CRISP2: variants seen among roughly 807,000 people sequenced by gnomAD.
CRISP2 encodes the protein cysteine rich secretory protein 2, also known as cysteine-rich secretory protein 2.
CRISP2 carries 29 observed loss-of-function variants against 31.7 expected under a neutral mutation model. That is an observed-to-expected ratio of 0.92 (90% CI 0.68 to 1.25). CRISP2 has a LOEUF of 1.25. Among genes scored for constraint, CRISP2 ranks in the 50% most tolerant of loss-of-function variants. The pLI, the probability that CRISP2 is intolerant of heterozygous loss-of-function variation, is 0.00. For missense variants in CRISP2, 318 were observed against 286.5 expected, an observed-to-expected ratio of 1.11 and a Z score of -0.79; for synonymous variants, 111 against 101.4, an observed-to-expected ratio of 1.09 and a Z score of -0.57.
Position 49,698,393 on chromosome 6 carries a change from C to A in CRISP2, c.386G>T (p.Ser129Ile), listed in dbSNP as rs1765131422. 1 of 1,613,302 alleles carries A rather than the reference C, an allele frequency of 6.2e-7. No individual in the cohort carries two copies. The highest frequency in any genetic ancestry group is 1.1e-5 in the South Asian group (1 of 90,946). The change falls in exon 7 of 10, where the codon AGT becomes ATT. Residue 129 changes from serine (S) to isoleucine (I), a missense_variant. Physicochemically the swap from Ser to Ile is moderately radical, Grantham distance 142 (BLOSUM62 -2). Transcript: ENST00000339139. Reference sequence around the variant, plus strand: ...ATAATGTCCAACAACTGCATTGGGACTCTTTGGTCCTACACCATAGACAAA... The same window carrying A: ...ATAATGTCCAACAACTGCATTGGGAATCTTTGGTCCTACACCATAGACAAA... Reference protein sequence around the residue: ...LDFVYGVGPKSPNAVVGHYTQ... With the variant: ...LDFVYGVGPKIPNAVVGHYTQ...
At chr6:49,706,011 T>C (rs1297866873) in intron 4 of CRISP2, among the ~76,000 whole-genome samples, 2 of 152,342 alleles carry the variant, frequency 1.3e-5, no homozygotes, top group Admixed American at 1.3e-4. Context: ...CCACATATTG[T>C]TCTGTTTATC....
intron 4 of CRISP2, among the ~76,000 whole-genome samples, chr6:49,702,577 C>T (rs73437872): frequency 0.033 from 5,074 of 151,966 alleles, 301 homozygotes; most frequent in African/African-American, 0.12. Flanking sequence ...AGCAGCTTTT[C>T]GTATGTTGGT....
chr6:49,702,470 A>G (rs1374130168), intron 4 of CRISP2, among the ~76,000 whole-genome samples: 1 of 151,692 alleles, frequency 6.6e-6, no homozygotes, highest in African/African-American at 2.4e-5. Flanking sequence ...ACCGGTATCT[A>G]TTATTTTTTT....
At chr6:49,705,729 T>C (rs1310953789) in intron 4 of CRISP2, among the ~76,000 whole-genome samples, 6 of 152,202 alleles carry the variant, frequency 3.9e-5, no homozygotes, top group Admixed American at 2.0e-4. Flanking sequence ...CTGCTTCTTC[T>C]TCTTTTTTAT....
At chr6:49,685,384 A>G in the CRISP2 span, among the ~76,000 whole-genome samples, 1 of 152,162 alleles carries the variant, frequency 6.6e-6, no homozygotes, top group Non-Finnish European at 1.5e-5. Flanking sequence ...TTATCAACTG[A>G]TGAAGGCAGG....
chr6:49,700,674 T>C lies in CRISP2; in HGVS notation c.177A>G (p.Leu59=), dbSNP rs1354765482. 3 of 1,598,632 alleles carry C rather than the reference T, an allele frequency of 1.9e-6. No homozygotes were observed. The highest frequency in any genetic ancestry group is 3.3e-5 in the Admixed American group (2 of 59,862). Reference sequence around the variant, plus strand: ...TTACAGCACTGCCTCTTACCATCTTTAGCATGTTACTGGCAGGTGGAGAGA... The same window carrying C: ...TTACAGCACTGCCTCTTACCATCTTCAGCATGTTACTGGCAGGTGGAGAGA... ...KAVSPPASNM[L]KMEWSREVTT... is the part of the protein sequence containing the mutation. Residue 59 remains leucine (L), a synonymous_variant, in exon 5 of 10, where the codon CTA becomes CTG. Coordinates refer to ENST00000339139, the MANE Select transcript of CRISP2 (RefSeq NM_003296.4).
In CRISP2 at chr6:49,692,546, C is replaced by T. The variant is rs1298879565; in HGVS notation, c.*227G>A. 21 of 386,204 alleles carry T rather than the reference C, an allele frequency of 5.4e-5. No homozygotes were observed. Among genetic ancestry groups the T allele is most frequent in the East Asian group, 8.1e-5 (2 of 24,752 alleles). The allele number at this position is 386,204 out of a possible 1,614,324, so 23.9% of individuals were successfully genotyped here. ...TCAAAATCCTCAACCTGATTCAGTT[C>T]GTTATAAAGCACTAAATTTATGTCA... On this transcript the variant is annotated 3_prime_UTR_variant, in exon 10 of 10. Coordinates refer to ENST00000339139, the MANE Select transcript of CRISP2 (RefSeq NM_003296.4).
rs541657278 is a variant in CRISP2, at chr6:49,692,980, G to A, written c.605-80C>T. 11 of 1,462,284 alleles carry A rather than the reference G, an allele frequency of 7.5e-6. No homozygotes were observed. The East Asian group carries it at 1.8e-4, about 24-fold the overall frequency. The allele number at this position is 1,462,284 out of a possible 1,614,324, so 90.6% of individuals were successfully genotyped here. A position where few individuals can be genotyped will look rare whatever the true frequency, so the allele number is the denominator to read the frequency against. ...ACCATACATTCAAAGTGTGTGGGGA[G>A]GGGGTAGGAGGGAACAAACAAGTTA... On this transcript the variant is annotated intron_variant, in intron 9 of 9. Coordinates refer to ENST00000339139, the MANE Select transcript of CRISP2 (RefSeq NM_003296.4).
chr6:49,685,542 C>T, the CRISP2 span, among the ~76,000 whole-genome samples: 4 of 152,184 alleles, frequency 2.6e-5, no homozygotes, highest in Non-Finnish European at 5.9e-5. Flanking sequence ...TAAATCCCTT[C>T]TCTAATAGTG....
intron 7 of CRISP2, 87 bp downstream of exon 7, chr6:49,698,275 A>G: frequency 6.8e-7 from 1 of 1,460,540 alleles, no homozygotes; most frequent in Non-Finnish European, 9.5e-7. Context: ...TGTTCTCCTA[A>G]ATTGAACATT....
chr6:49,678,968 A>C, the CRISP2 span, among the ~76,000 whole-genome samples: 3 of 152,120 alleles, frequency 2.0e-5, no homozygotes, highest in Admixed American at 2.0e-4. Flanking sequence ...ATTTTAATAC[A>C]CTTTGCCTCC....
intron 4 of CRISP2, among the ~76,000 whole-genome samples, chr6:49,701,239 A>C (rs1561874586): frequency 6.6e-6 from 1 of 151,886 alleles, no homozygotes; most frequent in Non-Finnish European, 1.5e-5. Flanking sequence ...AGCAGTGTAC[A>C]CTGTATCCAA....
chr6:49,713,335 A>G (rs1768370549), intron 1 of CRISP2, 140 bp downstream of exon 1: 2 of 152,324 alleles, frequency 1.3e-5, no homozygotes, highest in South Asian at 4.2e-4. Flanking sequence ...TCTGCCCGGC[A>G]TTAGCTATGT....
chr6:49,707,343 T>A (rs1424474767), intron 4 of CRISP2, among the ~76,000 whole-genome samples: 2 of 152,148 alleles, frequency 1.3e-5, no homozygotes, highest in African/African-American at 4.8e-5. Flanking sequence ...GAAAGCTTCA[T>A]AAAATGTGAT....
intron 2 of CRISP2, among the ~76,000 whole-genome samples, chr6:49,711,557 G>A (rs980347305): frequency 1.3e-5 from 2 of 152,152 alleles, no homozygotes; most frequent in Non-Finnish European, 2.9e-5. Context: ...TTTCTAATCA[G>A]TTCTCCCTTC....
intron 3 of CRISP2, among the ~76,000 whole-genome samples, chr6:49,710,643 A>G (rs1375248871): frequency 6.6e-6 from 1 of 152,182 alleles, no homozygotes; most frequent in Non-Finnish European, 1.5e-5. Flanking sequence ...AGGTAGTTCT[A>G]GTATAATTGT....
At chr6:49,701,640 T>TTATATATGTATACATTATATATGTATACA (rs1765796788) in intron 4 of CRISP2, among the ~76,000 whole-genome samples, 1 of 124,268 alleles carries the variant, frequency 8.0e-6, no homozygotes, top group South Asian at 2.3e-4. Context: ...TATGTATACA[T>TTATATATGTATACATTATATATGTATACA]TATATATGTA....
At chr6:49,696,610 G>C (rs1455816833) in intron 8 of CRISP2, among the ~76,000 whole-genome samples, 1 of 150,332 alleles carries the variant, frequency 6.7e-6, no homozygotes, top group East Asian at 1.9e-4. Context: ...AAGAAAAAAA[G>C]ATTAAAGAAA....
chr6:49,681,954 C>A, the CRISP2 span, among the ~76,000 whole-genome samples: 1 of 152,082 alleles, frequency 6.6e-6, no homozygotes, highest in African/African-American at 2.4e-5. Context: ...TAATATCCCC[C>A]AAGCATTTAA....
Sources: allele counts gnomAD v4.1 joint callset (sites outside exome capture counted in the v4.1 genomes callset), GRCh38; gene constraint gnomAD v4.1.1; transcripts MANE v1.5; gene names NCBI Gene and HGNC (gene_info 2026-07-23, HGNC 2026-07-21).